ZNF225: variants seen among roughly 807,000 people sequenced by gnomAD.
ZNF225 encodes zinc finger protein 225.
In ZNF225, 6 loss-of-function variants were observed where a neutral mutation model predicts 12.0. The observed-to-expected ratio is 0.50, with a 90% CI of 0.27 to 0.98. ZNF225 has a LOEUF of 0.98. ZNF225 is among the 50% of genes least tolerant of loss of function. The pLI, the probability that ZNF225 is intolerant of heterozygous loss-of-function variation, is 0.11. For synonymous variants in ZNF225, 271 were observed against 283.2 expected (o/e 0.96, Z 0.43); for missense variants, 763 against 848.2 (o/e 0.90, Z 1.25).
chr19:44,122,097 A>C (rs1250915662), intron 4 of ZNF225, among the ~76,000 whole-genome samples: 3 of 152,104 alleles, frequency 2.0e-5, no homozygotes, highest in African/African-American at 4.8e-5. Flanking sequence ...GGATTTTTCC[A>C]ATGTTACCTT....
chr19:44,117,753 T>C (rs1253493104), intron 2 of ZNF225, among the ~76,000 whole-genome samples: 2 of 152,202 alleles, frequency 1.3e-5, no homozygotes, highest in Admixed American at 1.3e-4. Flanking sequence ...GCGCAGTGGC[T>C]CATGCCTGTA....
intron 4 of ZNF225, among the ~76,000 whole-genome samples, chr19:44,128,001 CA>C: frequency 6.6e-6 from 1 of 152,308 alleles, no homozygotes; most frequent in Admixed American, 6.5e-5. Context: ...CTCTCCTATA[CA>C]AGGGGAAAAA....
chr19:44,126,880 C>T (rs1367573871), intron 4 of ZNF225, among the ~76,000 whole-genome samples: 1 of 152,232 alleles, frequency 6.6e-6, no homozygotes, highest in Non-Finnish European at 1.5e-5. Context: ...GCCGGTCTCA[C>T]TCCCACCATG....
chr19:44,118,311 G>A lies in ZNF225; in HGVS notation c.139G>A (p.Val47Met). ...GGAGAACTTCAGGAACCTGCTCTCAGTGGGTGAGGACAGGCACCCTTTGTA... is the reference window on the plus strand; with the variant it reads ...GGAGAACTTCAGGAACCTGCTCTCAATGGGTGAGGACAGGCACCCTTTGTA... ...MLENFRNLLSVGHQSLHRDTF... is the reference protein window; with the variant it reads ...MLENFRNLLSMGHQSLHRDTF... Residue 47 changes from valine (V) to methionine (M), a missense_variant, in exon 3 of 5, where the codon GTG becomes ATG. Coordinates refer to ENST00000262894, the MANE Select transcript of ZNF225 (RefSeq NM_013362.4). 6.2e-7 allele frequency: 1 copy of A among 1,612,834 alleles called. No homozygotes were observed. The highest frequency in any genetic ancestry group is 2.2e-5 in the East Asian group (1 of 44,870).
intron 4 of ZNF225, among the ~76,000 whole-genome samples, chr19:44,118,990 G>T (rs1968001072): frequency 6.6e-6 from 1 of 151,958 alleles, no homozygotes; most frequent in African/African-American, 2.4e-5. Context: ...CTAATTTTTT[G>T]TATTTTTAGT....
chr19:44,121,768 ATGTT>A (rs1447233356), intron 4 of ZNF225, among the ~76,000 whole-genome samples: 2 of 152,162 alleles, frequency 1.3e-5, no homozygotes, highest in Admixed American at 6.5e-5. Flanking sequence ...TTTTTAAAAT[ATGTT>A]TGTTGGCCAT....
chr19:44,122,541 G>T (rs190401635), intron 4 of ZNF225, among the ~76,000 whole-genome samples: 16 of 152,210 alleles, frequency 1.1e-4, no homozygotes, highest in South Asian at 2.1e-4. Flanking sequence ...AAGAATGATG[G>T]TGATGTTTTG....
At chr19:44,124,936 C>T (rs999261379) in intron 4 of ZNF225, among the ~76,000 whole-genome samples, 4 of 152,148 alleles carry the variant, frequency 2.6e-5, no homozygotes, top group African/African-American at 7.2e-5. Context: ...CTGAAGGCAG[C>T]AGATGGTTGG....
chr19:44,114,144 C>A, intron 1 of ZNF225: 1 of 890,794 alleles, frequency 1.1e-6, no homozygotes, highest in Non-Finnish European at 1.8e-6. Context: ...CAGCCTTCTC[C>A]TTACCCAGCC....
chr19:44,132,071 G>A lies in ZNF225; in HGVS notation c.1457G>A (p.Cys486Tyr), dbSNP rs774425288. ...CACAGTGGAGAAAAACCATTTAAAT[G>A]TGAAGAATGTGGGAAAAGATTTACT... ...RIHSGEKPFK[C>Y]EECGKRFTQN... The change falls in exon 5 of 5, where the codon TGT (cysteine) becomes TAT (tyrosine). Residue 486 changes from cysteine (C) to tyrosine (Y), a missense_variant. By Grantham distance (194) the Cys-to-Tyr change is radical. Coordinates refer to ENST00000262894, the MANE Select transcript of ZNF225 (RefSeq NM_013362.4). 4.3e-6 allele frequency: 7 copies of A among 1,614,104 alleles called. No individual in the cohort carries two copies. Among genetic ancestry groups the A allele is most frequent in the Non-Finnish European group, 5.9e-6 (7 of 1,180,030 alleles).
chr19:44,130,095 T>C (rs530822237), intron 4 of ZNF225: 13 of 152,242 alleles, frequency 8.5e-5, no homozygotes, highest in African/African-American at 1.7e-4. Flanking sequence ...CCAGAGTCCA[T>C]AGTGTACCTG....
chr19:44,121,152 C>T (rs545491129), intron 4 of ZNF225, among the ~76,000 whole-genome samples: 1 of 152,318 alleles, frequency 6.6e-6, no homozygotes, highest in East Asian at 1.9e-4. Context: ...CCGCCTCGGC[C>T]TCCCAAAGTG....
At position 44,134,814 on chromosome 19, in the gene ZNF225, G is replaced by A. The variant is rs2147586489; in HGVS notation, c.*2079G>A. 6.6e-6 allele frequency: 1 copy of A among 152,160 alleles called. No homozygotes were observed. Among genetic ancestry groups the A allele is most frequent in the South Asian group, 2.1e-4 (1 of 4,822 alleles). 9.4% of individuals were successfully genotyped at this position (152,160 alleles called of 1,614,324 possible). On this transcript the variant is annotated 3_prime_UTR_variant, in exon 5 of 5. Transcript: ENST00000262894. Reference sequence around the variant, plus strand: ...TATTAAATACCTAGTTCTATATCTAGTACCCTGAGCTTATGTGGGGCTAAT... The same window carrying A: ...TATTAAATACCTAGTTCTATATCTAATACCCTGAGCTTATGTGGGGCTAAT...
Position 44,118,551 on chromosome 19 carries a change from C to T in ZNF225, c.212C>T (p.Ala71Val). The change falls in exon 4 of 5, where the codon GCA becomes GTA. Residue 71 changes from alanine (A) to valine (V), a missense_variant. Physicochemically the swap from Ala to Val is moderately conservative, Grantham distance 64. Transcript: ENST00000262894. ...KEEKFWMMET[A>V]TQREGNLGGK... ...GAAAAGTTTTGGATGATGGAGACAGCAACCCAAAGAGAAGGGAATTTAGGT... is the reference window on the plus strand; with the variant it reads ...GAAAAGTTTTGGATGATGGAGACAGTAACCCAAAGAGAAGGGAATTTAGGT... 6.2e-7 allele frequency: 1 copy of T among 1,612,424 alleles called. No homozygotes were observed. The highest frequency in any genetic ancestry group is 8.5e-7 in the Non-Finnish European group (1 of 1,178,902).
rs547416946 is a variant in ZNF225, at chr19:44,113,477, C to A, written c.-161C>A. ...TCCCTGGTAGTTTGGGTCAGTTCCG[C>A]GAGACCCTTCTGAATTTCCTGGACC... is the stretch of plus-strand genomic sequence containing the variant. On this transcript the variant is annotated 5_prime_UTR_variant, in exon 1 of 5. Coordinates refer to ENST00000262894, the MANE Select transcript of ZNF225 (RefSeq NM_013362.4). The A allele has an allele frequency of 6.6e-6, 1 of 152,226 alleles. No individual in the cohort carries two copies. The highest frequency in any genetic ancestry group is 1.5e-5 in the Non-Finnish European group (1 of 68,140). 9.4% of individuals were successfully genotyped at this position (152,226 alleles called of 1,614,324 possible).
chr19:44,125,609 G>C (rs1017158165), intron 4 of ZNF225, among the ~76,000 whole-genome samples: 1 of 152,114 alleles, frequency 6.6e-6, no homozygotes, highest in East Asian at 1.9e-4. Context: ...AGTTTTCCTC[G>C]ATTATTTCCC....
Position 44,132,084 on chromosome 19 carries a change from G to T in ZNF225, c.1470G>T (p.Gly490=). ...GEKPFKCEEC[G]KRFTQNSQLY... ...AACCATTTAAATGTGAAGAATGTGG[G>T]AAAAGATTTACTCAGAATTCACAAC... is the stretch of plus-strand genomic sequence containing the variant. Residue 490 remains glycine, a synonymous_variant, in exon 5 of 5, where the codon GGG becomes GGT. Transcript: ENST00000262894. 6.2e-7 allele frequency: 1 copy of T among 1,613,860 alleles called. No individual in the cohort carries two copies. The highest frequency in any genetic ancestry group is 8.5e-7 in the Non-Finnish European group (1 of 1,179,952).
In ZNF225 at chr19:44,132,677, G is replaced by A. The variant is rs770425557; in HGVS notation, c.2063G>A (p.Arg688His). The A allele has an allele frequency of 7.5e-6, 12 of 1,607,488 alleles. No homozygotes were observed. The highest frequency in any genetic ancestry group is 3.4e-5 in the Admixed American group (2 of 57,992). ...KTSKCEDCGKRYKRRLNLDTL... is the reference protein window; with the variant it reads ...KTSKCEDCGKHYKRRLNLDTL... ...TCTAAATGTGAGGACTGTGGGAAGC[G>A]CTACAAGAGGCGCTTGAATCTTGAT... Residue 688 changes from arginine to histidine, a missense_variant, in exon 5 of 5, where the codon CGC becomes CAC. Transcript: ENST00000262894.
At chr19:44,123,268 A>G (rs1257749054) in intron 4 of ZNF225, among the ~76,000 whole-genome samples, 1 of 151,838 alleles carries the variant, frequency 6.6e-6, no homozygotes, top group Non-Finnish European at 1.5e-5. Flanking sequence ...TTTCATTTTT[A>G]ATTCTGTTTA....
Sources: allele counts gnomAD v4.1 joint callset (sites outside exome capture counted in the v4.1 genomes callset), GRCh38; gene constraint gnomAD v4.1.1; transcripts MANE v1.5; gene names NCBI Gene and HGNC (gene_info 2026-07-23, HGNC 2026-07-21).